The following KIF6 variants were observed in gnomAD, a reference collection of about 807,000 sequenced individuals.
KIF6 encodes the protein kinesin family member 6, also known as kinesin-like protein KIF6.
Under a neutral mutation model 112.7 loss-of-function variants are expected in KIF6, and 106 were observed. The ratio of observed to expected loss-of-function variants is 0.94; its 90% CI spans 0.80 to 1.11. The LOEUF (loss-of-function observed/expected upper bound fraction) is 1.11, where lower values mean the gene tolerates loss of function less well. Ranked by LOEUF, KIF6 falls within the 50% of genes least tolerant of loss-of-function variation. KIF6 has a pLI of 0.00. For missense variants in KIF6, 929 were observed against 964.0 expected, an observed-to-expected ratio of 0.96 and a Z score of 0.48; for synonymous variants, 339 against 339.9, an observed-to-expected ratio of 1.00 and a Z score of 0.03.
At position 39,343,507 on chromosome 6, in the gene KIF6, G is replaced by C; in HGVS notation, c.2428+202C>G. ...CTGGGCCGCCCACCCACTTGGGCCT[G>C]TCTTGGTGTTTCTGATGCTGCCCCT... is the stretch of plus-strand genomic sequence containing the variant. On this transcript the variant is annotated intron_variant, in intron 22 of 22. Coordinates refer to ENST00000287152, the MANE Select transcript of KIF6 (RefSeq NM_145027.6). This position sits in a 1 kb window ranked among gnomAD's most constrained non-coding sequence, Gnocchi z 4.1. 6.7e-7 allele frequency: 1 copy of C among 1,489,286 alleles called. No individual in the cohort carries two copies. The highest frequency in any genetic ancestry group is 1.2e-5 in the South Asian group (1 of 81,822). 92.3% of individuals were successfully genotyped at this position (1,489,286 alleles called of 1,614,324 possible).
chr6:39,578,134 A>T lies in KIF6; in HGVS notation c.1103T>A (p.Ile368Asn), dbSNP rs752389085. Reference protein sequence around the residue: ...RLVIKRLQKEIQELKDELAMV... With the variant: ...RLVIKRLQKENQELKDELAMV... ...GGCCAGTTCATCCTTCAGTTCCTGG[A>T]TTTCCTTTTGTAGGCGTTTAATCAC... Residue 368 changes from isoleucine to asparagine, a missense_variant, in exon 10 of 23, where the codon ATC becomes AAC. Coordinates refer to ENST00000287152, the MANE Select transcript of KIF6 (RefSeq NM_145027.6). The T allele has an allele frequency of 1.2e-6, 2 of 1,613,944 alleles. No homozygotes were observed. Among genetic ancestry groups the T allele is most frequent in the South Asian group, 1.1e-5 (1 of 91,074 alleles).
intron 5 of KIF6, chr6:39,620,271 C>T (rs1452956989): frequency 6.6e-6 from 1 of 152,072 alleles, no homozygotes; most frequent in Non-Finnish European, 1.5e-5. Flanking sequence ...TTTAGAGCTA[C>T]CAACTTTTTT....
chr6:39,395,196 A>G (rs777213967), intron 15 of KIF6, among the ~76,000 whole-genome samples: 1 of 152,252 alleles, frequency 6.6e-6, no homozygotes, highest in Non-Finnish European at 1.5e-5. Context: ...ACACAAGATT[A>G]GCACGTTCTG....
chr6:39,477,542 G>C (rs1774508614), intron 13 of KIF6, among the ~76,000 whole-genome samples: 1 of 152,130 alleles, frequency 6.6e-6, no homozygotes, highest in Non-Finnish European at 1.5e-5. Flanking sequence ...GAACAATTTG[G>C]AAAAATGTTG....
intron 13 of KIF6, among the ~76,000 whole-genome samples, chr6:39,522,826 G>A (rs1329853821): frequency 6.6e-6 from 1 of 152,082 alleles, no homozygotes; most frequent in Non-Finnish European, 1.5e-5. Context: ...CAATACTGGG[G>A]CTCCTTAATA....
At chr6:39,350,111 T>C (rs1764122666) in intron 19 of KIF6, among the ~76,000 whole-genome samples, 1 of 152,196 alleles carries the variant, frequency 6.6e-6, no homozygotes, top group South Asian at 2.1e-4. Context: ...CTTAGAAGGT[T>C]GGCCTTTTAA....
chr6:39,567,338 T>C (rs1315663096), intron 10 of KIF6, among the ~76,000 whole-genome samples: 1 of 152,180 alleles, frequency 6.6e-6, no homozygotes, highest in African/African-American at 2.4e-5. Flanking sequence ...TCATGCATGA[T>C]GAAAATATTG....
At chr6:39,426,449 T>C (rs1483179684) in intron 14 of KIF6, among the ~76,000 whole-genome samples, 2 of 152,134 alleles carry the variant, frequency 1.3e-5, no homozygotes, top group African/African-American at 4.8e-5. Flanking sequence ...AAGAAAAACC[T>C]TTCTATTAAG....
At chr6:39,530,413 C>A (rs1777984687) in intron 13 of KIF6, among the ~76,000 whole-genome samples, 2 of 152,192 alleles carry the variant, frequency 1.3e-5, no homozygotes, top group Admixed American at 6.5e-5. Flanking sequence ...TTTTAAAAAA[C>A]TCCAACCTTA....
chr6:39,674,059 A>C (rs1786993598), intron 3 of KIF6, among the ~76,000 whole-genome samples: 1 of 152,216 alleles, frequency 6.6e-6, no homozygotes, highest in Non-Finnish European at 1.5e-5. Flanking sequence ...TTTGAGAAAA[A>C]TAAAATTAAC....
intron 3 of KIF6, among the ~76,000 whole-genome samples, chr6:39,666,924 G>C (rs1293013608): frequency 2.6e-5 from 4 of 152,106 alleles, no homozygotes; most frequent in Admixed American, 2.6e-4. Context: ...GCAATTTTCT[G>C]CTTTTGCAGC....
At chr6:39,578,695 C>A (rs1425854721) in intron 9 of KIF6, among the ~76,000 whole-genome samples, 1 of 152,018 alleles carries the variant, frequency 6.6e-6, no homozygotes, top group East Asian at 1.9e-4. Context: ...TTGGTATCCC[C>A]CCTCCGTCCT....
intron 13 of KIF6, among the ~76,000 whole-genome samples, chr6:39,471,982 T>C (rs888972818): frequency 6.6e-6 from 1 of 152,212 alleles, no homozygotes; most frequent in Non-Finnish European, 1.5e-5. Flanking sequence ...TTAGAATCTA[T>C]GTCTAAGAGC....
chr6:39,660,253 C>T (rs1197470537), intron 3 of KIF6, among the ~76,000 whole-genome samples: 1 of 152,112 alleles, frequency 6.6e-6, no homozygotes, highest in South Asian at 2.1e-4. Flanking sequence ...TTTATGGTGC[C>T]CCTTTTTCCA....
At chr6:39,457,163 A>C (rs1173956409) in intron 13 of KIF6, among the ~76,000 whole-genome samples, 2 of 151,914 alleles carry the variant, frequency 1.3e-5, no homozygotes, top group African/African-American at 4.8e-5. Context: ...AAATTATAAC[A>C]AACTATCTCT....
At chr6:39,577,789 C>T (rs1451736771) in intron 10 of KIF6, among the ~76,000 whole-genome samples, 2 of 152,186 alleles carry the variant, frequency 1.3e-5, no homozygotes, top group Non-Finnish European at 2.9e-5. Flanking sequence ...TTATACAATT[C>T]CTTTTCTTCA....
chr6:39,373,009 G>C (rs1766140452), intron 16 of KIF6, among the ~76,000 whole-genome samples: 1 of 152,138 alleles, frequency 6.6e-6, no homozygotes, highest in African/African-American at 2.4e-5. Context: ...GGCCTTTCTT[G>C]GTCCGAGATT....
chr6:39,693,539 C>G (rs1788346741), intron 3 of KIF6, among the ~76,000 whole-genome samples: 1 of 152,158 alleles, frequency 6.6e-6, no homozygotes, highest in Non-Finnish European at 1.5e-5. Context: ...CTATGAACAT[C>G]TCTATGCACA....
rs1012606223 is a variant in KIF6 at position 39,333,537 on chromosome 6, A to G, written c.*2995T>C. ...AAGAGAGATCACTGGAGCAAGAGGC[A>G]AGCTCAACCATGAGAGCACAATTCA... On this transcript the variant is annotated 3_prime_UTR_variant, in exon 23 of 23. Transcript: ENST00000287152. The G allele has an allele frequency of 2.0e-5, 3 of 152,226 alleles. No homozygotes were observed. Among genetic ancestry groups the G allele is most frequent in the Non-Finnish European group, 4.4e-5 (3 of 68,054 alleles). The allele number at this position is 152,226 out of a possible 1,614,324, so 9.4% of individuals were successfully genotyped here. A position where few individuals can be genotyped will look rare whatever the true frequency, so the allele number is the denominator to read the frequency against.
Sources: allele counts gnomAD v4.1 joint callset (sites outside exome capture counted in the v4.1 genomes callset), GRCh38; gene constraint gnomAD v4.1.1; non-coding constraint Gnocchi (gnomAD v3.1); transcripts MANE v1.5; gene names NCBI Gene and HGNC (gene_info 2026-07-23, HGNC 2026-07-21).